The following ZC3H12B variants were observed in gnomAD, a reference collection of about 807,000 sequenced individuals.
ZC3H12B encodes the protein probable ribonuclease ZC3H12B.
ZC3H12B carries 7 observed loss-of-function variants against 43.9 expected under a neutral mutation model. That is an observed-to-expected ratio of 0.16 (90% CI 0.09 to 0.30). The LOEUF is 0.30. ZC3H12B is among the 10% of genes least tolerant of loss of function. The probability of loss-of-function intolerance (pLI) is 1.00; values close to 1 mark genes in which losing one functional copy is unlikely to be tolerated. For synonymous variants in ZC3H12B, 222 were observed against 241.7 expected (o/e 0.92, Z 0.76); for missense variants, 475 against 670.2 (o/e 0.71, Z 3.22).
At chrX:65,249,308 A>G in the ZC3H12B span, among the ~76,000 whole-genome samples, 1 of 111,986 alleles carries the variant, frequency 8.9e-6, no homozygotes, top group Non-Finnish European at 1.9e-5. Flanking sequence ...CAATTATCCC[A>G]GCACTATTTG....
the ZC3H12B span, among the ~76,000 whole-genome samples, chrX:65,348,461 G>A: frequency 4.6e-5 from 5 of 109,785 alleles, no homozygotes; most frequent in African/African-American, 1.7e-4. Flanking sequence ...CAACTAATGG[G>A]CAAAATAACC....
chrX:65,322,885 C>G, the ZC3H12B span, among the ~76,000 whole-genome samples: 1 of 110,746 alleles, frequency 9.0e-6, no homozygotes, highest in Non-Finnish European at 1.9e-5. Flanking sequence ...ATAATTTTTC[C>G]AATTATTTTT....
At chrX:65,416,769 A>G (rs1289289473) in intron 3 of ZC3H12B, among the ~76,000 whole-genome samples, 2 of 108,091 alleles carry the variant, frequency 1.9e-5, no homozygotes, top group Non-Finnish European at 3.8e-5. Context: ...AGCCTGGGCA[A>G]CAGAGCGAGA....
At chrX:65,135,414 T>G in the ZC3H12B span, among the ~76,000 whole-genome samples, 1 of 110,663 alleles carries the variant, frequency 9.0e-6, no homozygotes, top group East Asian at 2.8e-4. Flanking sequence ...TTTAGAGACT[T>G]CCTTCATTCA....
chrX:65,047,770 T>C, the ZC3H12B span, among the ~76,000 whole-genome samples: 1 of 110,849 alleles, frequency 9.0e-6, no homozygotes, highest in African/African-American at 3.3e-5. Context: ...GTATTTAAAG[T>C]GAATTTCTTG....
chrX:65,199,603 C>T, the ZC3H12B span, among the ~76,000 whole-genome samples: 1 of 110,189 alleles, frequency 9.1e-6, no homozygotes, highest in Non-Finnish European at 1.9e-5. Context: ...CCTAACCCCA[C>T]CTCCCCCAAC....
the ZC3H12B span, among the ~76,000 whole-genome samples, chrX:65,065,441 C>A: frequency 2.7e-5 from 3 of 111,951 alleles, no homozygotes; most frequent in Admixed American, 9.5e-5. Context: ...GTTGAAAATT[C>A]TTTTCTTCTA....
At chrX:65,403,186 C>G (rs2066783370) in intron 3 of ZC3H12B, among the ~76,000 whole-genome samples, 1 of 112,041 alleles carries the variant, frequency 8.9e-6, no homozygotes, top group African/African-American at 3.2e-5. Context: ...AACTGGCATG[C>G]TGAAGAATGC....
the ZC3H12B span, among the ~76,000 whole-genome samples, chrX:65,076,472 T>C: frequency 8.9e-6 from 1 of 111,859 alleles, no homozygotes; most frequent in African/African-American, 3.3e-5. Flanking sequence ...ATTTAAATAC[T>C]ATTTCAGCCC....
chrX:65,051,857 C>A, the ZC3H12B span, among the ~76,000 whole-genome samples: 1 of 110,240 alleles, frequency 9.1e-6, no homozygotes, highest in Admixed American at 9.7e-5. Flanking sequence ...ACAGGGGTAC[C>A]TAAAACTGTC....
chrX:65,397,669 G>C (rs2066716708), intron 2 of ZC3H12B, among the ~76,000 whole-genome samples: 1 of 111,270 alleles, frequency 9.0e-6, no homozygotes, highest in African/African-American at 3.3e-5. Context: ...CCCATAGCTA[G>C]TATTATACTG....
chrX:65,161,359 G>T, the ZC3H12B span, among the ~76,000 whole-genome samples: 2 of 111,232 alleles, frequency 1.8e-5, no homozygotes, highest in African/African-American at 6.5e-5. Flanking sequence ...GTTGACAGTG[G>T]GGTGTTAAAA....
In ZC3H12B at chrX:65,483,417, C is replaced by T. The variant is rs1222230029; in HGVS notation, n.408-5229C>T. ...TTGAATTTTTGATTTTCTCAGAGTGCCTTTATGTGAATCTTTTCATTTTGA... is the reference window on the plus strand; with the variant it reads ...TTGAATTTTTGATTTTCTCAGAGTGTCTTTATGTGAATCTTTTCATTTTGA... On this transcript the variant is annotated intron_variant and non_coding_transcript_variant, in intron 3 of 5. Transcript: ENST00000617377. 2.7e-5 allele frequency among the ~76,000 whole-genome samples: 3 copies of T among 111,426 alleles called. No individual in the cohort carries two copies. The Middle Eastern group carries it at 0.014, about 513-fold the overall frequency.
rs185134735 is a variant in ZC3H12B, at chrX:65,430,498, C to A, written n.407+31794C>A. Among the ~76,000 whole-genome samples, 454 of 62,004 alleles carry A rather than the reference C, an allele frequency of 7.3e-3. 31 individuals carry two copies. In the Admixed American group the frequency reaches 0.093, roughly 13 times the overall value. The allele number at this position is 62,004 out of a possible 115,157, so 53.8% of individuals were successfully genotyped here. A position where few individuals can be genotyped will look rare whatever the true frequency, so the allele number is the denominator to read the frequency against. On this transcript the variant is annotated intron_variant and non_coding_transcript_variant, in intron 3 of 5. Transcript: ENST00000617377. ...CCTAATGCTATCCCTCCCCCCTCCC[C>A]CCACCCCACAACAGGCCTCGGTGTG...
chrX:65,231,904 ATCC>A, the ZC3H12B span, among the ~76,000 whole-genome samples: 9 of 111,634 alleles, frequency 8.1e-5, no homozygotes, highest in African/African-American at 2.9e-4. Context: ...GGTGACATAC[ATCC>A]TCAGCTTACG....
chrX:65,455,735 G>A (rs913446575), intron 3 of ZC3H12B, among the ~76,000 whole-genome samples: 3 of 111,692 alleles, frequency 2.7e-5, no homozygotes, highest in Non-Finnish European at 3.8e-5. Flanking sequence ...GAGAAAAGTC[G>A]GGTTACCCAC....
chrX:65,448,779 C>A (rs1285184212), intron 3 of ZC3H12B, among the ~76,000 whole-genome samples: 1 of 105,387 alleles, frequency 9.5e-6, no homozygotes, highest in South Asian at 4.2e-4. Flanking sequence ...ATTCACACCA[C>A]TGCACTCCAG....
chrX:65,109,728 C>T, the ZC3H12B span, among the ~76,000 whole-genome samples: 19 of 111,454 alleles, frequency 1.7e-4, no homozygotes, highest in East Asian at 1.4e-3. Context: ...GTGGAATTGC[C>T]GGGTCATGTG....
chrX:65,342,546 G>T, the ZC3H12B span, among the ~76,000 whole-genome samples: 1 of 111,660 alleles, frequency 9.0e-6, no homozygotes, highest in African/African-American at 3.3e-5. Context: ...TGAATAACCT[G>T]CCCCTGAATT....
Sources: gnomAD v4.1 joint callset for allele counts (sites outside exome capture counted in the v4.1 genomes callset) on GRCh38, gnomAD v4.1.1 for gene constraint, MANE v1.5 for transcripts, NCBI Gene and HGNC (gene_info 2026-07-23, HGNC 2026-07-21) for gene names.